Variants in AOAH observed in about 807,000 individuals in gnomAD.
AOAH encodes acyloxyacyl hydrolase.
AOAH carries 64 observed loss-of-function variants against 92.2 expected under a neutral mutation model. The ratio of observed to expected loss-of-function variants is 0.69; its 90% CI spans 0.57 to 0.86. The LOEUF is 0.86. Among genes scored for constraint, AOAH ranks in the 40% least tolerant of loss-of-function variants. AOAH has a pLI of 0.00. For synonymous variants in AOAH, 263 were observed against 254.5 expected (o/e 1.03, Z -0.32); for missense variants, 656 against 694.6 (o/e 0.94, Z 0.62).
rs144316227 is a variant in AOAH, at chr7:36,517,160, T to G, written c.1600-3780A>C. Among the ~76,000 whole-genome samples the G allele has an allele frequency of 5.9e-3, 231 of 39,000 alleles. 1 individual carries two copies. Among genetic ancestry groups the G allele is most frequent in the African/African-American group, 0.017 (207 of 11,944 alleles). The allele number at this position is 39,000 out of a possible 152,430, so 25.6% of individuals were successfully genotyped here. On this transcript the variant is annotated intron_variant, in intron 20 of 20. Coordinates refer to ENST00000617537, the MANE Select transcript of AOAH (RefSeq NM_001637.4). ...TTCCTCTCTTTATCCATGTTAGTCT[T>G]TCTTTCTTTCTTTCTTTCTTTCTTT...
intron 3 of AOAH, 52 bp downstream of exon 3, chr7:36,673,891 T>C: frequency 7.5e-7 from 1 of 1,330,752 alleles, no homozygotes. Flanking sequence ...GTTTTCTTGT[T>C]CCTCCCATGT....
intron 15 of AOAH, among the ~76,000 whole-genome samples, chr7:36,545,050 CT>C (rs566403888): frequency 2.1e-3 from 307 of 145,874 alleles, no homozygotes; most frequent in South Asian, 7.2e-3. Context: ...GAAGAGAAAT[CT>C]TTTTTTTTTT....
In AOAH at chr7:36,679,616, A is replaced by AC. The variant is rs199687142; in HGVS notation, c.224-5608_224-5607insG. Among the ~76,000 whole-genome samples, 889 of 150,604 alleles carry AC rather than the reference A, an allele frequency of 5.9e-3. 9 individuals are homozygous for AC. The highest frequency in any genetic ancestry group is 0.021 in the African/African-American group (859 of 40,972). On this transcript the variant is annotated intron_variant, in intron 2 of 20. Transcript: ENST00000617537. ...TATGTATACATTATTACATATGTAT[A>AC]ATTATTATATACAAACTTGAAGCAC... is the stretch of plus-strand genomic sequence containing the variant.
chr7:36,594,616 G>A (rs1789980376), intron 11 of AOAH, 186 bp from the exon 12 acceptor site: 2 of 670,184 alleles, frequency 3.0e-6, no homozygotes, highest in South Asian at 3.2e-5. Context: ...AAGTCACAAT[G>A]ATCAGCACCA....
At chr7:36,560,537 TG>T (rs1562569725) in intron 13 of AOAH, among the ~76,000 whole-genome samples, 2 of 152,218 alleles carry the variant, frequency 1.3e-5, no homozygotes, top group Non-Finnish European at 2.9e-5. Flanking sequence ...TCAGCTTGAA[TG>T]TTATAGATAT....
chr7:36,538,088 T>C (rs1244523981), intron 16 of AOAH, among the ~76,000 whole-genome samples: 1 of 150,472 alleles, frequency 6.6e-6, no homozygotes, highest in Admixed American at 6.7e-5. Flanking sequence ...AGTGCAATGG[T>C]GCGATCTCGG....
At chr7:36,555,679 T>C (rs2116400741) in intron 13 of AOAH, among the ~76,000 whole-genome samples, 1 of 152,304 alleles carries the variant, frequency 6.6e-6, no homozygotes, top group Admixed American at 6.5e-5. Flanking sequence ...TATTGGTCTA[T>C]TCAGAGATTC....
At chr7:36,636,399 G>A (rs1198234035) in intron 5 of AOAH, among the ~76,000 whole-genome samples, 1 of 152,180 alleles carries the variant, frequency 6.6e-6, no homozygotes, top group Admixed American at 6.5e-5. Context: ...TAATGCCAAG[G>A]CAGTTTTTGC....
chr7:36,548,550 G>A, intron 15 of AOAH, 62 bp downstream of exon 15: 1 of 1,387,806 alleles, frequency 7.2e-7, no homozygotes, highest in African/African-American at 1.4e-5. Context: ...AGTTGGTGAG[G>A]AGAGGGTGGG....
intron 1 of AOAH, among the ~76,000 whole-genome samples, chr7:36,706,688 T>C (rs1483793196): frequency 6.6e-6 from 1 of 152,230 alleles, no homozygotes; most frequent in Non-Finnish European, 1.5e-5. Context: ...ACAGCCACCT[T>C]CATCAATGAT....
At chr7:36,555,774 G>T (rs1343748515) in intron 13 of AOAH, among the ~76,000 whole-genome samples, 1 of 152,204 alleles carries the variant, frequency 6.6e-6, no homozygotes, top group Non-Finnish European at 1.5e-5. Flanking sequence ...TATTTGCGTA[G>T]AGGTGTTTGT....
At chr7:36,709,582 T>C (rs1231363575) in intron 1 of AOAH, among the ~76,000 whole-genome samples, 1 of 152,210 alleles carries the variant, frequency 6.6e-6, no homozygotes, top group Non-Finnish European at 1.5e-5. Flanking sequence ...TCTTTTGTAC[T>C]TATTTTTATC....
chr7:36,666,544 A>T (rs1795547644), intron 3 of AOAH, among the ~76,000 whole-genome samples: 1 of 151,918 alleles, frequency 6.6e-6, no homozygotes, highest in African/African-American at 2.4e-5. Flanking sequence ...TTAAATTTCT[A>T]TTGATTTCCT....
At chr7:36,575,772 A>G (rs1788453883) in intron 13 of AOAH, among the ~76,000 whole-genome samples, 1 of 152,234 alleles carries the variant, frequency 6.6e-6, no homozygotes, top group Admixed American at 6.5e-5. Context: ...CTTAGTTTAA[A>G]CGCTTGTTGC....
intron 4 of AOAH, among the ~76,000 whole-genome samples, chr7:36,651,338 A>G (rs942909213): frequency 6.6e-6 from 1 of 152,248 alleles, no homozygotes; most frequent in African/African-American, 2.4e-5. Context: ...GGACTTCAGG[A>G]AAGTCTCTCA....
chr7:36,532,477 T>G, intron 16 of AOAH, 133 bp from the exon 17 acceptor site: 2 of 826,300 alleles, frequency 2.4e-6, no homozygotes, highest in Non-Finnish European at 4.1e-6. Context: ...TCATGCAGCA[T>G]TGCTCTTGAA....
At chr7:36,723,986 T>C in intron 1 of AOAH, 36 bp downstream of exon 1, 1 of 1,602,856 alleles carries the variant, frequency 6.2e-7, no homozygotes, top group Non-Finnish European at 8.5e-7. Flanking sequence ...CATTGTTATG[T>C]CTACATAGAA....
At chr7:36,583,206 G>C (rs866534875) in intron 12 of AOAH, among the ~76,000 whole-genome samples, 7 of 152,200 alleles carry the variant, frequency 4.6e-5, no homozygotes, top group African/African-American at 7.2e-5. Context: ...CAGCAGTAGG[G>C]TTGGTGAGAA....
At chr7:36,694,638 T>C (rs955490097) in intron 1 of AOAH, among the ~76,000 whole-genome samples, 2 of 152,232 alleles carry the variant, frequency 1.3e-5, no homozygotes, top group African/African-American at 4.8e-5. Context: ...GGAGCTGAGA[T>C]TTACTTCATT....
Sources: allele counts gnomAD v4.1 joint callset (sites outside exome capture counted in the v4.1 genomes callset), GRCh38; gene constraint gnomAD v4.1.1; transcripts MANE v1.5; gene names NCBI Gene and HGNC (gene_info 2026-07-23, HGNC 2026-07-21).